Variants in GAPVD1 observed in about 807,000 individuals in gnomAD.
GAPVD1 encodes GTPase activating protein and VPS9 domains 1, also known as GTPase-activating protein and VPS9 domain-containing protein 1.
A neutral mutation model predicts 155.5 loss-of-function variants in GAPVD1; 35 were observed. The observed-to-expected ratio is 0.23, with a 90% CI of 0.17 to 0.30. GAPVD1 has a LOEUF of 0.30. GAPVD1 is among the 10% of genes least tolerant of loss of function. The pLI is 1.00. For missense variants in GAPVD1, 1,429 were observed against 1,775.7 expected (o/e 0.80, Z 3.51); for synonymous variants, 636 against 619.7 (o/e 1.03, Z -0.39).
chr9:125,325,070 C>T (rs1047000223), intron 11 of GAPVD1, among the ~76,000 whole-genome samples: 2 of 151,688 alleles, frequency 1.3e-5, no homozygotes, highest in South Asian at 2.1e-4. Flanking sequence ...ACTAAAAATA[C>T]AAAAATTAGC....
intron 3 of GAPVD1, among the ~76,000 whole-genome samples, chr9:125,298,323 G>A (rs550859301): frequency 2.0e-5 from 3 of 152,276 alleles, no homozygotes; most frequent in Admixed American, 2.0e-4. Context: ...AGGGTTTACA[G>A]CACCTGTCTC....
chr9:125,337,992 C>T (rs1307644369), intron 17 of GAPVD1, among the ~76,000 whole-genome samples: 1 of 152,200 alleles, frequency 6.6e-6, no homozygotes, highest in African/African-American at 2.4e-5. Flanking sequence ...TCCTCTGCCT[C>T]AGCCTCCTGA....
In GAPVD1 at chr9:125,364,712, G is replaced by T. The variant is rs1188031817; in HGVS notation, c.*1966G>T. 6.6e-6 allele frequency: 1 copy of T among 152,604 alleles called. No individual in the cohort carries two copies. The highest frequency in any genetic ancestry group is 2.4e-5 in the African/African-American group (1 of 41,460). 9.5% of individuals were successfully genotyped at this position (152,604 alleles called of 1,614,324 possible). A position where few individuals can be genotyped will look rare whatever the true frequency, so the allele number is the denominator to read the frequency against. ...TTGAATGTTAGGTCAAGAAATCCAT[G>T]TACAGAGTCGTGCACTTCATTGGCT... On this transcript the variant is annotated 3_prime_UTR_variant, in exon 28 of 28. Coordinates refer to ENST00000297933, the MANE Select transcript of GAPVD1 (RefSeq NM_001282680.3).
intron 2 of GAPVD1, among the ~76,000 whole-genome samples, chr9:125,274,112 G>A (rs1189422972): frequency 1.3e-5 from 2 of 151,760 alleles, no homozygotes; most frequent in Non-Finnish European, 2.9e-5. Context: ...CTGCCTCCCC[G>A]GTTCAAGCGA....
Position 125,302,629 on chromosome 9 carries a change from C to T in GAPVD1, c.832C>T (p.His278Tyr). 4 of 1,614,014 alleles carry T rather than the reference C, an allele frequency of 2.5e-6. No homozygotes were observed. The South Asian group carries it at 3.3e-5, about 13-fold the overall frequency. The change falls in exon 5 of 28, where the codon CAT becomes TAT. Residue 278 changes from histidine (H) to tyrosine (Y), a missense_variant. Physicochemically the swap from His to Tyr is moderately conservative, Grantham distance 83 (BLOSUM62 2). Around this residue, in one of 4 missense-constraint regions of GAPVD1, gnomAD observed 628 missense variants for 733.4 expected, o/e 0.86. Transcript: ENST00000297933. ...CAAACAGAACACATATTGTTTTCCA[C>T]ATAGTTTAAGGTGGATCGTGTCTCA... is the stretch of plus-strand genomic sequence containing the variant. ...YLKQNTYCFP[H>Y]SLRWIVSQMY...
intron 2 of GAPVD1, among the ~76,000 whole-genome samples, chr9:125,293,495 G>T (rs1588696506): frequency 6.8e-6 from 1 of 147,820 alleles, no homozygotes; most frequent in East Asian, 2.0e-4. Context: ...TGTTGGCCAG[G>T]CTGGAGTGCA....
intron 2 of GAPVD1, among the ~76,000 whole-genome samples, chr9:125,293,524 A>T (rs1838935729): frequency 7.4e-6 from 1 of 134,236 alleles, no homozygotes; most frequent in African/African-American, 2.8e-5. Context: ...ATCTCAGTTG[A>T]CTCTAACCTC....
In GAPVD1 at chr9:125,364,780, G is replaced by A. The variant is rs968989436; in HGVS notation, c.*2034G>A. 1.3e-5 allele frequency: 2 copies of A among 152,574 alleles called. No individual in the cohort carries two copies. Among genetic ancestry groups the A allele is most frequent in the African/African-American group, 4.8e-5 (2 of 41,420 alleles). 9.5% of individuals were successfully genotyped at this position (152,574 alleles called of 1,614,324 possible). A position where few individuals can be genotyped will look rare whatever the true frequency, so the allele number is the denominator to read the frequency against. ...CTTGTATTAGAAGTTAAATCCCATC[G>A]TAAATACATCACGAGGCCAGCTGTG... On this transcript the variant is annotated 3_prime_UTR_variant, in exon 28 of 28. Coordinates refer to ENST00000297933, the MANE Select transcript of GAPVD1 (RefSeq NM_001282680.3).
At chr9:125,333,719 C>G (rs1272249396) in intron 15 of GAPVD1, among the ~76,000 whole-genome samples, 2 of 151,234 alleles carry the variant, frequency 1.3e-5, no homozygotes, top group African/African-American at 2.4e-5. Context: ...AACCCCCAAC[C>G]TCAGGTGATC....
intron 19 of GAPVD1, among the ~76,000 whole-genome samples, chr9:125,342,968 A>G (rs1379143853): frequency 1.3e-5 from 2 of 152,208 alleles, no homozygotes; most frequent in Non-Finnish European, 2.9e-5. Flanking sequence ...TTTTTGGCAC[A>G]TTATGAATGA....
chr9:125,270,278 A>C (rs1834681577), intron 2 of GAPVD1, among the ~76,000 whole-genome samples: 1 of 151,592 alleles, frequency 6.6e-6, no homozygotes, highest in Admixed American at 6.6e-5. Context: ...AAAATACAAA[A>C]ATTAGCTGGG....
intron 2 of GAPVD1, among the ~76,000 whole-genome samples, chr9:125,286,301 T>C (rs1837687508): frequency 7.2e-6 from 1 of 139,266 alleles, no homozygotes; most frequent in Admixed American, 6.8e-5. Context: ...GTTGTTGTTT[T>C]CTTTGTTTTT....
At chr9:125,324,878 G>T (rs1349296631) in intron 11 of GAPVD1, among the ~76,000 whole-genome samples, 1 of 152,178 alleles carries the variant, frequency 6.6e-6, no homozygotes, top group African/African-American at 2.4e-5. Flanking sequence ...ATGAGGAAGT[G>T]AGGTGCCTTA....
At chr9:125,337,186 G>A (rs1847159148) in intron 16 of GAPVD1, 35 bp from the exon 17 acceptor site, 8 of 1,611,634 alleles carry the variant, frequency 5.0e-6, no homozygotes, top group Non-Finnish European at 6.8e-6. Flanking sequence ...GATATGTTGT[G>A]TCTCAGTTAC....
At chr9:125,331,706 C>T (rs566170350) in intron 13 of GAPVD1, among the ~76,000 whole-genome samples, 1 of 152,302 alleles carries the variant, frequency 6.6e-6, no homozygotes, top group African/African-American at 2.4e-5. Context: ...TCTAGAACCA[C>T]GTTTTCATCT....
Position 125,298,928 on chromosome 9 carries a change from A to G in GAPVD1, c.7A>G (p.Lys3Glu). ...AGCCTTTCCCACATTGAAGATGGTG[A>G]AACTAGATATTCATACTCTGGCTCA... MVKLDIHTLAHHL... is the reference protein window; with the variant it reads MVELDIHTLAHHL... Residue 3 changes from lysine (K) to glutamate (E), a missense_variant, in exon 4 of 28, where the codon AAA becomes GAA. Transcript: ENST00000297933. The G allele has an allele frequency of 1.3e-6, 2 of 1,595,696 alleles. No individual in the cohort carries two copies. The highest frequency in any genetic ancestry group is 1.7e-6 in the Non-Finnish European group (2 of 1,171,144).
At chr9:125,277,800 C>T (rs1320373873) in intron 2 of GAPVD1, among the ~76,000 whole-genome samples, 1 of 151,348 alleles carries the variant, frequency 6.6e-6, no homozygotes, top group African/African-American at 2.4e-5. Flanking sequence ...CTCCCAAGTA[C>T]CTGGGACTTC....
chr9:125,296,358 G>GTTT (rs1554758517), intron 3 of GAPVD1, among the ~76,000 whole-genome samples: 1 of 121,758 alleles, frequency 8.2e-6, no homozygotes, highest in Non-Finnish European at 1.6e-5. Context: ...TAGTTCTTAG[G>GTTT]TTTTTTTTTT....
At position 125,337,035 on chromosome 9, in the gene GAPVD1, T is replaced by C; in HGVS notation, c.2446T>C (p.Ser816Pro). The change falls in exon 16 of 28, where the codon TCT (serine) becomes CCT (proline). Residue 816 changes from serine (S) to proline (P), a missense_variant. Coordinates refer to ENST00000297933, the MANE Select transcript of GAPVD1 (RefSeq NM_001282680.3). ...TGTTTTAGGTGCCCACCAGCTGACC[T>C]CTCCTCCTTCTCAGTCAGAGTCTCT... ...EITHGAHQLTSPPSQSESLLA... is the reference protein window; with the variant it reads ...EITHGAHQLTPPPSQSESLLA... 6 of 1,611,654 alleles carry C rather than the reference T, an allele frequency of 3.7e-6. No homozygotes were observed. Among genetic ancestry groups the C allele is most frequent in the Non-Finnish European group, 5.1e-6 (6 of 1,177,760 alleles).
Sources: allele counts gnomAD v4.1 joint callset (sites outside exome capture counted in the v4.1 genomes callset), GRCh38; gene constraint gnomAD v4.1.1; regional missense constraint gnomAD v4.1.1; transcripts MANE v1.5; gene names NCBI Gene and HGNC (gene_info 2026-07-23, HGNC 2026-07-21).